The following ENOX1 variants were observed in gnomAD, a reference collection of about 807,000 sequenced individuals.
ENOX1 encodes ecto-NOX disulfide-thiol exchanger 1.
In ENOX1, 42 loss-of-function variants were observed where a neutral mutation model predicts 82.5. The observed-to-expected ratio is 0.51, with a 90% CI of 0.40 to 0.66. The LOEUF (loss-of-function observed/expected upper bound fraction) is 0.66. ENOX1 is among the 30% of genes least tolerant of loss of function. ENOX1 has a pLI of 0.00. For synonymous variants in ENOX1, 271 were observed against 282.2 expected (o/e 0.96, Z 0.40); for missense variants, 608 against 811.6 (o/e 0.75, Z 3.05).
At chr13:43,442,614 A>T (rs920006953) in intron 3 of ENOX1, among the ~76,000 whole-genome samples, 1 of 152,224 alleles carries the variant, frequency 6.6e-6, no homozygotes, top group Non-Finnish European at 1.5e-5. Flanking sequence ...ACCTTTAAAT[A>T]AAACTCATAA....
intron 2 of ENOX1, among the ~76,000 whole-genome samples, chr13:43,618,884 C>T (rs944511162): frequency 2.6e-5 from 4 of 151,850 alleles, no homozygotes; most frequent in Non-Finnish European, 4.4e-5. Flanking sequence ...GAATGTGTTT[C>T]CATTTGTTCG....
At chr13:43,628,716 A>C (rs2149689) in intron 2 of ENOX1, among the ~76,000 whole-genome samples, 5,465 of 152,230 alleles carry the variant, frequency 0.036, 303 homozygotes, top group African/African-American at 0.12. Context: ...GAGACCTTGA[A>C]CCTTATTTAA....
chr13:43,489,369 G>A (rs2076540864), intron 2 of ENOX1, among the ~76,000 whole-genome samples: 1 of 152,144 alleles, frequency 6.6e-6, no homozygotes, highest in Non-Finnish European at 1.5e-5. Context: ...GTAAACCCTG[G>A]CAGCCTCCAT....
chr13:43,641,854 G>T (rs1295995002), intron 2 of ENOX1, among the ~76,000 whole-genome samples: 1 of 152,044 alleles, frequency 6.6e-6, no homozygotes, highest in Non-Finnish European at 1.5e-5. Context: ...TTTTTTAAAA[G>T]AAGTCTCATG....
At chr13:43,401,655 C>A (rs1013284866) in intron 5 of ENOX1, among the ~76,000 whole-genome samples, 2 of 152,104 alleles carry the variant, frequency 1.3e-5, no homozygotes, top group African/African-American at 4.8e-5. Context: ...AAGGCTGGGG[C>A]AAAAGCCACA....
chr13:43,512,050 C>T (rs4429182), intron 2 of ENOX1, among the ~76,000 whole-genome samples: 148,029 of 152,220 alleles, frequency 0.97, 72,113 homozygotes, highest in East Asian at 1. Flanking sequence ...GCATAATCTA[C>T]GAATACTGTA....
chr13:43,688,855 CAGTT>C (rs1326980654), intron 1 of ENOX1, among the ~76,000 whole-genome samples: 1 of 152,156 alleles, frequency 6.6e-6, no homozygotes, highest in African/African-American at 2.4e-5. Context: ...GTCTAATAAG[CAGTT>C]AGACAGTTGG....
intron 12 of ENOX1, among the ~76,000 whole-genome samples, chr13:43,295,721 G>A (rs569328350): frequency 6.6e-6 from 1 of 152,294 alleles, no homozygotes; most frequent in South Asian, 2.1e-4. Flanking sequence ...TGGATAGTGT[G>A]GAGATTGAAG....
intron 2 of ENOX1, among the ~76,000 whole-genome samples, chr13:43,605,640 T>C (rs1299863630): frequency 6.6e-6 from 1 of 152,172 alleles, no homozygotes; most frequent in East Asian, 1.9e-4. Context: ...TTGCTCATCA[T>C]ATACAAAAAT....
At chr13:43,463,238 G>C (rs7986166) in intron 3 of ENOX1, among the ~76,000 whole-genome samples, 1 of 151,868 alleles carries the variant, frequency 6.6e-6, no homozygotes, top group Non-Finnish European at 1.5e-5. Context: ...CAGATTATCT[G>C]ATTCTTTGTT....
intron 2 of ENOX1, chr13:43,547,155 T>G (rs909868401): frequency 2.0e-5 from 3 of 152,224 alleles, no homozygotes; most frequent in Non-Finnish European, 4.4e-5. Context: ...AGTTAATATC[T>G]CTGAGAGTTC....
intron 2 of ENOX1, among the ~76,000 whole-genome samples, chr13:43,548,941 TA>T (rs751696678): frequency 1.3e-5 from 2 of 151,806 alleles, no homozygotes; most frequent in Non-Finnish European, 2.9e-5. Context: ...ATGGTTAATT[TA>T]AAAAAAACAA....
chr13:43,685,053 C>G (rs568041513), intron 1 of ENOX1, among the ~76,000 whole-genome samples: 1 of 152,296 alleles, frequency 6.6e-6, no homozygotes, highest in South Asian at 2.1e-4. Context: ...CTGTGTAAAT[C>G]ATGCTGCTCT....
At chr13:43,420,213 A>G (rs1034119516) in intron 3 of ENOX1, among the ~76,000 whole-genome samples, 1 of 152,228 alleles carries the variant, frequency 6.6e-6, no homozygotes, top group African/African-American at 2.4e-5. Context: ...AACAATATAG[A>G]TAATTGTGAA....
At chr13:43,380,053 T>C (rs545755719) in intron 5 of ENOX1, among the ~76,000 whole-genome samples, 4 of 151,908 alleles carry the variant, frequency 2.6e-5, no homozygotes, top group Non-Finnish European at 5.9e-5. Context: ...TTTAACTTTT[T>C]CTTTACCCAG....
At position 43,470,328 on chromosome 13, in the gene ENOX1, A is replaced by G. The variant is rs1330819228; in HGVS notation, c.-75+13681T>C. ...TATACATATATATACACATATATAT[A>G]TGTATATATATACGTATATATATAT... On this transcript the variant is annotated intron_variant, in intron 3 of 16. Coordinates refer to ENST00000690772, the MANE Select transcript of ENOX1 (RefSeq NM_001347969.2). Among the ~76,000 whole-genome samples, 30 of 57,246 alleles carry G rather than the reference A, an allele frequency of 5.2e-4. 1 individual carries two copies. Among genetic ancestry groups the G allele is most frequent in the Non-Finnish European group, 5.7e-4 (16 of 28,254 alleles). The allele number at this position is 57,246 out of a possible 152,430, so 37.6% of individuals were successfully genotyped here. A position where few individuals can be genotyped will look rare whatever the true frequency, so the allele number is the denominator to read the frequency against.
chr13:43,531,737 T>A (rs1246686744), intron 2 of ENOX1, among the ~76,000 whole-genome samples: 1 of 148,496 alleles, frequency 6.7e-6, no homozygotes, highest in Non-Finnish European at 1.5e-5. Flanking sequence ...TGGAATACTA[T>A]GCAGCCATAA....
intron 12 of ENOX1, among the ~76,000 whole-genome samples, chr13:43,293,309 G>A (rs1379435298): frequency 6.6e-6 from 1 of 151,718 alleles, no homozygotes; most frequent in African/African-American, 2.4e-5. Flanking sequence ...ACCACAGCCA[G>A]CACCCCCACC....
At chr13:43,301,035 T>C (rs550770183) in intron 11 of ENOX1, among the ~76,000 whole-genome samples, 2 of 152,296 alleles carry the variant, frequency 1.3e-5, no homozygotes, top group South Asian at 4.1e-4. Context: ...TGAGGATTCA[T>C]TTGTGAGAGG....
Sources: allele counts gnomAD v4.1 joint callset (sites outside exome capture counted in the v4.1 genomes callset), GRCh38; gene constraint gnomAD v4.1.1; transcripts MANE v1.5; gene names NCBI Gene and HGNC (gene_info 2026-07-23, HGNC 2026-07-21).